The following CEP170 variants were observed in gnomAD, a reference collection of about 807,000 sequenced individuals.
The protein encoded by CEP170 is centrosomal protein of 170 kDa.
CEP170 carries 21 observed loss-of-function variants against 151.9 expected under a neutral mutation model. The observed-to-expected ratio is 0.14, with a 90% CI of 0.10 to 0.20. The LOEUF (loss-of-function observed/expected upper bound fraction) is 0.20. Ranked by LOEUF, CEP170 falls within the 10% of genes least tolerant of loss-of-function variation. CEP170 has a pLI of 1.00. For synonymous variants in CEP170, 356 were observed against 648.8 expected, an observed-to-expected ratio of 0.55 and a Z score of 6.86; for missense variants, 964 against 1,892.9, an observed-to-expected ratio of 0.51 and a Z score of 9.11.
At chr1:243,158,141 G>A (rs1212664789) in intron 13 of CEP170, among the ~76,000 whole-genome samples, 3 of 151,996 alleles carry the variant, frequency 2.0e-5, no homozygotes, top group Non-Finnish European at 2.9e-5. Flanking sequence ...ACCAATTTTA[G>A]GAAAAGTTTA....
intron 9 of CEP170, 28 bp from the exon 10 acceptor site, chr1:243,186,100 A>T: frequency 6.2e-7 from 1 of 1,613,562 alleles, no homozygotes; most frequent in Non-Finnish European, 8.5e-7. Context: ...CCACTTTGGC[A>T]TCTGCTGTTG....
chr1:243,216,042 T>G (rs1344808583), intron 3 of CEP170, among the ~76,000 whole-genome samples: 53 of 151,886 alleles, frequency 3.5e-4, no homozygotes, highest in Non-Finnish European at 1.5e-5. Flanking sequence ...ATGACTATCT[T>G]TACTGGCATA....
At chr1:243,164,010 C>T (rs1307678834) in intron 13 of CEP170, among the ~76,000 whole-genome samples, 4 of 152,122 alleles carry the variant, frequency 2.6e-5, no homozygotes, top group African/African-American at 9.7e-5. Flanking sequence ...AAAATTAAAA[C>T]TCCTAAATCA....
chr1:243,173,507 G>C (rs1224514422), intron 10 of CEP170, among the ~76,000 whole-genome samples: 3 of 151,590 alleles, frequency 2.0e-5, no homozygotes, highest in Non-Finnish European at 4.4e-5. Context: ...AGGCCGAGGC[G>C]AGCAGATCAC....
At chr1:243,142,912 A>G (rs996975201) in intron 14 of CEP170, among the ~76,000 whole-genome samples, 3 of 152,230 alleles carry the variant, frequency 2.0e-5, no homozygotes, top group Non-Finnish European at 4.4e-5. Context: ...TGGTATTAGC[A>G]ATACTGGTGA....
At chr1:243,168,049 A>T (rs769762173) in intron 12 of CEP170, among the ~76,000 whole-genome samples, 2 of 151,980 alleles carry the variant, frequency 1.3e-5, no homozygotes, top group Non-Finnish European at 2.9e-5. Flanking sequence ...CTTTTCACAG[A>T]TAATACTTAA....
chr1:243,190,391 T>C (rs1332234956), intron 8 of CEP170, among the ~76,000 whole-genome samples: 1 of 152,218 alleles, frequency 6.6e-6, no homozygotes, highest in Non-Finnish European at 1.5e-5. Context: ...GGCTAAGTTC[T>C]ACACAAATAA....
rs1410147014 is a variant in CEP170, at chr1:243,205,957, AAAGAAAG to A, written c.275-5129_275-5123del. 2.6e-5 allele frequency among the ~76,000 whole-genome samples: 4 copies of A among 151,360 alleles called. No individual in the cohort carries two copies. The East Asian group carries it at 5.8e-4, about 22-fold the overall frequency. ...GAAAGAAGAAGAAAGAAGGAAGAAA[AAAGAAAG>A]AAGAAAGAAGGAAGAAAAAAGAAAG... On this transcript the variant is annotated intron_variant, in intron 4 of 19. Transcript: ENST00000366542.
chr1:243,233,381 G>A (rs2063932748), intron 1 of CEP170, among the ~76,000 whole-genome samples: 1 of 151,104 alleles, frequency 6.6e-6, no homozygotes, highest in Non-Finnish European at 1.5e-5. Flanking sequence ...TGCAGCTATT[G>A]AGCAGAGCAC....
At chr1:243,127,665 A>G (rs2053866146) in intron 19 of CEP170, among the ~76,000 whole-genome samples, 3 of 152,336 alleles carry the variant, frequency 2.0e-5, no homozygotes, top group Non-Finnish European at 4.4e-5. Flanking sequence ...TAGAATTAGC[A>G]GTTGACTATG....
intron 4 of CEP170, chr1:243,211,175 C>A (rs1471233972): frequency 1.3e-5 from 2 of 150,798 alleles, no homozygotes; most frequent in East Asian, 3.9e-4. Flanking sequence ...GTACATAAAT[C>A]CTTTTTACAA....
At chr1:243,179,817 C>T (rs1368337105) in intron 10 of CEP170, among the ~76,000 whole-genome samples, 1 of 152,134 alleles carries the variant, frequency 6.6e-6, no homozygotes, top group Admixed American at 6.6e-5. Context: ...AGACAAATAA[C>T]AAAATCTTAG....
chr1:243,142,571 T>C lies in CEP170; in HGVS notation c.3912-108A>G, dbSNP rs1487437923. 21 of 951,082 alleles carry C rather than the reference T, an allele frequency of 2.2e-5. No individual in the cohort carries two copies. In the East Asian group the frequency reaches 4.8e-4, roughly 22 times the overall value. The allele number at this position is 951,082 out of a possible 1,614,324, so 58.9% of individuals were successfully genotyped here. A position where few individuals can be genotyped will look rare whatever the true frequency, so the allele number is the denominator to read the frequency against. On this transcript the variant is annotated intron_variant, in intron 14 of 19. Transcript: ENST00000366542. ...GTAAGTTGTATATCTAATTAAATAT[T>C]TGTACCCCAAATTAACTATTAACTA...
rs1049274727 is a variant in CEP170 at position 243,253,706 on chromosome 1, C to T, written c.-42+1334G>A. On this transcript the variant is annotated intron_variant, in intron 1 of 19. Coordinates refer to ENST00000366542, the MANE Select transcript of CEP170 (RefSeq NM_014812.3). ...AGTCATAATGTCACTCTCTCCTCTC[C>T]CATTATTCCTCCACCTGCTCCTCCC... is the stretch of plus-strand genomic sequence containing the variant. 5.3e-5 allele frequency among the ~76,000 whole-genome samples: 8 copies of T among 152,178 alleles called. 1 individual carries two copies. Among genetic ancestry groups the T allele is most frequent in the African/African-American group, 1.7e-4 (7 of 41,416 alleles).
At chr1:243,184,953 C>G (rs2059848018) in intron 10 of CEP170, among the ~76,000 whole-genome samples, 2 of 152,130 alleles carry the variant, frequency 1.3e-5, no homozygotes, top group African/African-American at 4.8e-5. Flanking sequence ...AACAAGAATT[C>G]AAACAAAAGA....
chr1:243,129,797 C>T (rs2054170665), intron 17 of CEP170, among the ~76,000 whole-genome samples: 1 of 151,606 alleles, frequency 6.6e-6, no homozygotes, highest in South Asian at 2.1e-4. Context: ...TTTCTCTTTC[C>T]ATGGTTTTAG....
chr1:243,243,678 C>T (rs113142187), intron 1 of CEP170, among the ~76,000 whole-genome samples: 11,036 of 151,994 alleles, frequency 0.073, 1,319 homozygotes, highest in African/African-American at 0.25. Context: ...TGCACACCAC[C>T]ATGCCCAGCT....
At chr1:243,178,542 C>G (rs1460085478) in intron 10 of CEP170, among the ~76,000 whole-genome samples, 1 of 152,034 alleles carries the variant, frequency 6.6e-6, no homozygotes, top group Non-Finnish European at 1.5e-5. Flanking sequence ...GCTTAATGAT[C>G]ATGAGATTTG....
At chr1:243,210,741 A>C (rs2148902928) in intron 4 of CEP170, among the ~76,000 whole-genome samples, 1 of 148,152 alleles carries the variant, frequency 6.7e-6, no homozygotes, top group African/African-American at 2.5e-5. Context: ...CAGCCTCTGG[A>C]GTAGCTGGGA....
Sources: gnomAD v4.1 joint callset for allele counts (sites outside exome capture counted in the v4.1 genomes callset) on GRCh38, gnomAD v4.1.1 for gene constraint, MANE v1.5 for transcripts, NCBI Gene and HGNC (gene_info 2026-07-23, HGNC 2026-07-21) for gene names.